IL2RB: variants seen among roughly 807,000 people sequenced by gnomAD.
The protein encoded by IL2RB is interleukin 2 receptor subunit beta.
IL2RB carries 17 observed loss-of-function variants against 44.2 expected under a neutral mutation model. That is an observed-to-expected ratio of 0.38 (90% CI 0.26 to 0.58). The LOEUF is 0.58. IL2RB is among the 20% of genes least tolerant of loss of function. The probability of loss-of-function intolerance (pLI) is 0.63; values close to 1 mark genes in which losing one functional copy is unlikely to be tolerated. For missense variants in IL2RB, 624 were observed against 685.5 expected (o/e 0.91, Z 1.00); for synonymous variants, 286 against 297.9 (o/e 0.96, Z 0.41).
intron 9 of IL2RB, among the ~76,000 whole-genome samples, chr22:37,132,170 C>T (rs1439712700): frequency 1.3e-5 from 2 of 152,182 alleles, no homozygotes; most frequent in Admixed American, 6.5e-5. Context: ...CAAGGTCACA[C>T]AGCCAGAATG....
chr22:37,142,365 C>T, intron 4 of IL2RB, 69 bp downstream of exon 4: 1 of 1,437,234 alleles, frequency 7.0e-7, no homozygotes, highest in South Asian at 1.1e-5. Flanking sequence ...TCCGGCCCAC[C>T]CTGAGATCGC....
intron 1 of IL2RB, among the ~76,000 whole-genome samples, chr22:37,161,591 G>A (rs545013114): frequency 4.3e-4 from 22 of 50,976 alleles, no homozygotes; most frequent in Middle Eastern, 0.016. Flanking sequence ...GACCTCAGGC[G>A]GGGAGAGCAT....
intron 1 of IL2RB, 31 bp downstream of exon 1, chr22:37,149,794 A>C (rs910287477): frequency 4.0e-5 from 38 of 960,938 alleles, no homozygotes; most frequent in Non-Finnish European, 4.1e-5. Flanking sequence ...GCTGGTCCAC[A>C]GGGGCCGGGA....
intron 1 of IL2RB, among the ~76,000 whole-genome samples, chr22:37,158,616 C>G (rs1330793081): frequency 6.6e-6 from 1 of 152,098 alleles, no homozygotes; most frequent in African/African-American, 2.4e-5. Context: ...CCAGGATGTA[C>G]GGAGAAGAGA....
upstream of IL2RB, among the ~76,000 whole-genome samples, chr22:37,154,137 C>A (rs1922589505): frequency 6.6e-6 from 1 of 152,210 alleles, no homozygotes; most frequent in Non-Finnish European, 1.5e-5. Flanking sequence ...CTGAGATGTG[C>A]AGCAGCCAGG....
intron 1 of IL2RB, among the ~76,000 whole-genome samples, chr22:37,170,147 C>G (rs1232219493): frequency 6.6e-6 from 1 of 152,022 alleles, no homozygotes; most frequent in African/African-American, 2.4e-5. Flanking sequence ...GATGAACAGA[C>G]AGACGGATGG....
chr22:37,142,683 C>A (rs1257398154), intron 3 of IL2RB, 171 bp from the exon 4 acceptor site: 3 of 723,794 alleles, frequency 4.1e-6, no homozygotes, highest in African/African-American at 3.5e-5. Flanking sequence ...GGCTCCATGG[C>A]ATTCCTCCCT....
chr22:37,144,262 C>T, intron 1 of IL2RB, 57 bp from the exon 2 acceptor site: 1 of 1,482,310 alleles, frequency 6.7e-7, no homozygotes, highest in Non-Finnish European at 9.0e-7. Flanking sequence ...GGCCTCGCTG[C>T]CCCTAGAGGC....
Position 37,141,833 on chromosome 22 carries a change from C to T in IL2RB, c.282+601G>A, listed in dbSNP as rs574350373. Reference sequence around the variant, plus strand: ...ACTGGCCTGCAGGTGCCCCTTGGCCCGAGCAGCCTGGGCAGAAGGAGGCGG... The same window carrying T: ...ACTGGCCTGCAGGTGCCCCTTGGCCTGAGCAGCCTGGGCAGAAGGAGGCGG... On this transcript the variant is annotated intron_variant, in intron 4 of 9. Coordinates refer to ENST00000216223, the MANE Select transcript of IL2RB (RefSeq NM_000878.5). The surrounding 1 kb of genome is among the most constrained non-coding windows in gnomAD (Gnocchi z 4.4). Among the ~76,000 whole-genome samples, 8 of 152,328 alleles carry T rather than the reference C, an allele frequency of 5.3e-5. No individual in the cohort carries two copies. The South Asian group carries it at 6.2e-4, about 12-fold the overall frequency.
At chr22:37,162,378 G>C (rs1307961875) in intron 1 of IL2RB, among the ~76,000 whole-genome samples, 3 of 152,170 alleles carry the variant, frequency 2.0e-5, no homozygotes, top group Non-Finnish European at 4.4e-5. Context: ...ACCCAAACAT[G>C]GGGGAGAGCT....
At chr22:37,151,291 C>T (rs1169380503), upstream of IL2RB, among the ~76,000 whole-genome samples, 2 of 152,202 alleles carry the variant, frequency 1.3e-5, no homozygotes, top group African/African-American at 4.8e-5. Context: ...GATAATATCT[C>T]ATTGTAGTTT....
chr22:37,155,487 C>T (rs1922648242), intron 1 of IL2RB, among the ~76,000 whole-genome samples: 1 of 152,234 alleles, frequency 6.6e-6, no homozygotes. Flanking sequence ...CTGACCCTGC[C>T]TCCTGTGCTT....
In IL2RB at chr22:37,139,159, A is replaced by G. The variant is rs766430737; in HGVS notation, c.346T>C (p.Trp116Arg). Residue 116 changes from tryptophan (W) to arginine (R), a missense_variant, in exon 5 of 10, where the codon TGG (tryptophan) becomes CGG (arginine). By Grantham distance (101) the Trp-to-Arg change is moderately radical. Around this residue, in one of 3 missense-constraint regions of IL2RB, gnomAD observed 255 missense variants for 339.9 expected, o/e 0.75. Coordinates refer to ENST00000216223, the MANE Select transcript of IL2RB (RefSeq NM_000878.5). ...AAGTCCTGGATGGCCATCACCCTCC[A>G]TCGCACCCCCTCACGGCACAGCACC... Reference protein sequence around the residue: ...LRVLCREGVRWRVMAIQDFKP... With the variant: ...LRVLCREGVRRRVMAIQDFKP... 6.2e-7 allele frequency: 1 copy of G among 1,614,054 alleles called. No homozygotes were observed. The highest frequency in any genetic ancestry group is 1.1e-5 in the South Asian group (1 of 91,078).
intron 1 of IL2RB, among the ~76,000 whole-genome samples, chr22:37,155,207 C>G (rs1047147609): frequency 6.6e-6 from 1 of 152,226 alleles, no homozygotes; most frequent in East Asian, 1.9e-4. Context: ...TTTCTTCAGC[C>G]CCTGCCCTGC....
Position 37,136,340 on chromosome 22 carries a change from C to T in IL2RB, c.591G>A (p.Thr197=), listed in dbSNP as rs762675060. Reference sequence around the variant, plus strand: ...ACTCATACTGGGTGTCTGGGGTGAGCGTCTCCAGGCAGATCCATTCCTGCT... The same window carrying T: ...ACTCATACTGGGTGTCTGGGGTGAGTGTCTCCAGGCAGATCCATTCCTGCT... The part of the protein sequence containing the change: ...KQKQEWICLE[T]LTPDTQYEFQ... Residue 197 remains threonine, a synonymous_variant, in exon 7 of 10, where the codon ACG becomes ACA. Transcript: ENST00000216223. The T allele has an allele frequency of 1.3e-5, 21 of 1,612,614 alleles. No homozygotes were observed. Among genetic ancestry groups the T allele is most frequent in the African/African-American group, 2.7e-5 (2 of 74,834 alleles).
At chr22:37,149,938 T>A, upstream of IL2RB, 1 of 983,982 alleles carries the variant, frequency 1.0e-6, no homozygotes, top group Non-Finnish European at 1.2e-6. Flanking sequence ...CCGCAAAGAC[T>A]AAAAGCCCAG....
intron 8 of IL2RB, among the ~76,000 whole-genome samples, chr22:37,133,528 A>C (rs1174825770): frequency 6.6e-6 from 1 of 152,212 alleles, no homozygotes; most frequent in Non-Finnish European, 1.5e-5. Context: ...TGCTGGGGAA[A>C]GTCGAGTGAG....
intron 1 of IL2RB, among the ~76,000 whole-genome samples, chr22:37,146,746 G>A (rs950034826): frequency 6.6e-6 from 1 of 152,210 alleles, no homozygotes; most frequent in Non-Finnish European, 1.5e-5. Context: ...TGAGCACAGG[G>A]CCGGGCACAC....
rs545606200 is a variant in IL2RB, at chr22:37,129,244, C to T, written c.904-396G>A. Among the ~76,000 whole-genome samples, 471 of 152,322 alleles carry T rather than the reference C, an allele frequency of 3.1e-3. 2 individuals are homozygous for T. The highest frequency in any genetic ancestry group is 5.5e-3 in the Non-Finnish European group (377 of 68,014). Reference sequence around the variant, plus strand: ...TGGGCACTAGCACAAGTGTGGGAATCGATCCACCCATGCCAAAGCAGAAGG... The same window carrying T: ...TGGGCACTAGCACAAGTGTGGGAATTGATCCACCCATGCCAAAGCAGAAGG... On this transcript the variant is annotated intron_variant, in intron 9 of 9. Coordinates refer to ENST00000216223, the MANE Select transcript of IL2RB (RefSeq NM_000878.5).
Sources: gnomAD v4.1 joint callset for allele counts (sites outside exome capture counted in the v4.1 genomes callset) on GRCh38, gnomAD v4.1.1 for gene constraint, gnomAD v4.1.1 regional missense constraint, Gnocchi (gnomAD v3.1) non-coding constraint, MANE v1.5 for transcripts, NCBI Gene and HGNC (gene_info 2026-07-23, HGNC 2026-07-21) for gene names.